Variants in PARVB observed in about 807,000 individuals in gnomAD.
PARVB encodes the protein parvin beta.
In PARVB, 46 loss-of-function variants were observed where a neutral mutation model predicts 47.0. The ratio of observed to expected loss-of-function variants is 0.98; its 90% CI spans 0.77 to 1.25. The LOEUF (loss-of-function observed/expected upper bound fraction) is 1.25, where lower values mean the gene tolerates loss of function less well. Ranked by LOEUF, PARVB falls within the 50% of genes most tolerant of loss-of-function variation. PARVB has a pLI of 0.00. For missense variants in PARVB, 473 were observed against 471.6 expected (o/e 1.00, Z -0.03); for synonymous variants, 196 against 196.3 (o/e 1.00, Z 0.01).
chr22:44,061,685 C>T (rs577997866), intron 1 of PARVB, among the ~76,000 whole-genome samples: 4 of 150,778 alleles, frequency 2.7e-5, no homozygotes, highest in Middle Eastern at 3.4e-3. Flanking sequence ...GGTGCAATCT[C>T]GGCTCACTGC....
chr22:44,159,310 G>A (rs1019725115), intron 11 of PARVB, among the ~76,000 whole-genome samples: 1 of 152,224 alleles, frequency 6.6e-6, no homozygotes, highest in Admixed American at 6.5e-5. Flanking sequence ...AGTTTAGCCA[G>A]GAGACCTAGG....
In PARVB at chr22:44,125,686, C is replaced by T. The variant is rs1470903723; in HGVS notation, c.377-5801C>T. On this transcript the variant is annotated intron_variant, in intron 4 of 12. Transcript: ENST00000338758. This position sits in a 1 kb window ranked among gnomAD's most constrained non-coding sequence, Gnocchi z 4.1. ...CCAAGAGATGAGGCTGGGGCCAGAT[C>T]TCATTCAGCCCTGCTAGACAACAGT... Among the ~76,000 whole-genome samples the T allele has an allele frequency of 6.6e-5, 10 of 152,152 alleles. No individual in the cohort carries two copies.
chr22:44,164,006 GA>G, intron 12 of PARVB, 76 bp downstream of exon 12: 1 of 1,159,874 alleles, frequency 8.6e-7, no homozygotes, highest in Non-Finnish European at 1.3e-6. Context: ...GAAGTGGCTG[GA>G]AGGCTGGCAT....
At chr22:44,022,470 C>T (rs1029480624), upstream of PARVB, among the ~76,000 whole-genome samples, 2 of 152,180 alleles carry the variant, frequency 1.3e-5, no homozygotes, top group African/African-American at 4.8e-5. Flanking sequence ...CCACGTTCTC[C>T]TTGACCACAA....
At chr22:44,166,800 A>G (rs973377472) in intron 12 of PARVB, among the ~76,000 whole-genome samples, 1 of 152,248 alleles carries the variant, frequency 6.6e-6, no homozygotes, top group South Asian at 2.1e-4. Context: ...GGCTGATGCA[A>G]TGAATGAGAG....
At chr22:44,156,279 CTT>C (rs71188434) in intron 10 of PARVB, among the ~76,000 whole-genome samples, 16 of 126,370 alleles carry the variant, frequency 1.3e-4, no homozygotes, top group Admixed American at 1.6e-4. Flanking sequence ...GACTTTTCAT[CTT>C]TTTTTTTTTT....
intron 4 of PARVB, among the ~76,000 whole-genome samples, chr22:44,128,122 C>T (rs750909189): frequency 9.9e-5 from 15 of 152,172 alleles, no homozygotes; most frequent in African/African-American, 1.7e-4. Context: ...AAGCAGCTGC[C>T]GGGTTCTCTG....
At chr22:44,110,069 C>T (rs1467110279) in intron 3 of PARVB, 11 of 143,642 alleles carry the variant, frequency 7.7e-5, no homozygotes, top group African/African-American at 2.1e-4. Flanking sequence ...GCCGAGATCC[C>T]GCCACTGCAC....
At chr22:43,999,730 A>G (rs2050392259) in intron 2 of PARVB, 1 of 1,243,484 alleles carries the variant, frequency 8.0e-7, no homozygotes, top group Non-Finnish European at 1.2e-6. Flanking sequence ...GCAGTGGCTC[A>G]TGCCTGTAAC....
chr22:44,063,594 C>T (rs188440515), intron 1 of PARVB, among the ~76,000 whole-genome samples: 128 of 152,176 alleles, frequency 8.4e-4, no homozygotes, highest in Non-Finnish European at 1.4e-3. Context: ...TCCTCAGCGT[C>T]GTGGTTTAGA....
At chr22:44,080,345 C>T (rs1452894534) in intron 1 of PARVB, among the ~76,000 whole-genome samples, 4 of 152,210 alleles carry the variant, frequency 2.6e-5, no homozygotes, top group African/African-American at 7.2e-5. Flanking sequence ...GCAGCAGGGC[C>T]GGTTCCTTCC....
At chr22:44,003,349 A>G (rs777469816) in intron 2 of PARVB, among the ~76,000 whole-genome samples, 3 of 152,232 alleles carry the variant, frequency 2.0e-5, no homozygotes, top group Non-Finnish European at 4.4e-5. Context: ...ACTGCTGGAA[A>G]TACCAGAACA....
At chr22:44,140,064 C>CTCTGTCCCTCATCCTCCA in intron 7 of PARVB, 60 bp from the exon 8 acceptor site, 1 of 1,604,286 alleles carries the variant, frequency 6.2e-7, no homozygotes, top group Admixed American at 1.7e-5. Flanking sequence ...CATTGTGCTG[C>CTCTGTCCCTCATCCTCCA]TTGTGAAACT....
At chr22:44,061,701 C>T (rs543954690) in intron 1 of PARVB, among the ~76,000 whole-genome samples, 1 of 150,454 alleles carries the variant, frequency 6.6e-6, no homozygotes, top group South Asian at 2.1e-4. Context: ...ACTGCAACCT[C>T]TGCCTCCTGG....
chr22:44,136,438 A>T, intron 6 of PARVB, 22 bp from the exon 7 acceptor site: 1 of 1,611,090 alleles, frequency 6.2e-7, no homozygotes, highest in Non-Finnish European at 8.5e-7. Context: ...CTGATTTTGT[A>T]TGTTTATTTT....
chr22:44,126,979 T>C (rs28430985), intron 4 of PARVB, among the ~76,000 whole-genome samples: 2,438 of 152,304 alleles, frequency 0.016, 40 homozygotes, highest in East Asian at 0.054. Context: ...TCTTTAAAGC[T>C]GCATCTTCCC....
rs1464575240 is a variant in PARVB, at chr22:44,169,438, GT to G, written c.*761del. 6.7e-6 allele frequency: 1 copy of G among 150,094 alleles called. No individual in the cohort carries two copies. The highest frequency in any genetic ancestry group is 2.5e-5 in the African/African-American group (1 of 39,442). The allele number at this position is 150,094 out of a possible 1,614,324, so 9.3% of individuals were successfully genotyped here. A position where few individuals can be genotyped will look rare whatever the true frequency, so the allele number is the denominator to read the frequency against. On this transcript the variant is annotated 3_prime_UTR_variant, in exon 13 of 13. Transcript: ENST00000338758. ...GCTGGGTCTGGAGATGGCTCTAATT[GT>G]GCTGCTTGAGACAGCTTGGGTCACA...
At chr22:44,055,670 C>CTATA (rs1476338146) in intron 1 of PARVB, among the ~76,000 whole-genome samples, 2 of 141,654 alleles carry the variant, frequency 1.4e-5, no homozygotes, top group African/African-American at 5.5e-5. Flanking sequence ...CTCTCTCTCT[C>CTATA]TCTCTCTCTA....
At chr22:44,163,297 C>T (rs763759140) in intron 11 of PARVB, among the ~76,000 whole-genome samples, 2 of 151,942 alleles carry the variant, frequency 1.3e-5, no homozygotes, top group African/African-American at 2.4e-5. Context: ...TGGCAAAACC[C>T]GTCTCTAAAA....
Sources: gnomAD v4.1 joint callset for allele counts (sites outside exome capture counted in the v4.1 genomes callset) on GRCh38, gnomAD v4.1.1 for gene constraint, Gnocchi (gnomAD v3.1) non-coding constraint, MANE v1.5 for transcripts, NCBI Gene and HGNC (gene_info 2026-07-23, HGNC 2026-07-21) for gene names.